The following SARDH variants were observed in gnomAD, a reference collection of about 807,000 sequenced individuals.
SARDH encodes the protein sarcosine dehydrogenase, mitochondrial.
In SARDH, 95 loss-of-function variants were observed where a neutral mutation model predicts 109.1. The ratio of observed to expected loss-of-function variants is 0.87; its 90% CI spans 0.74 to 1.03. The LOEUF (loss-of-function observed/expected upper bound fraction) is 1.03. Ranked by LOEUF, SARDH falls within the 50% of genes least tolerant of loss-of-function variation. SARDH has a pLI of 0.00. For missense variants in SARDH, 1,267 were observed against 1,287.8 expected, an observed-to-expected ratio of 0.98 and a Z score of 0.25; for synonymous variants, 572 against 534.8, an observed-to-expected ratio of 1.07 and a Z score of -0.96.
intron 13 of SARDH, 48 bp from the exon 14 acceptor site, chr9:133,696,409 T>G: frequency 6.2e-7 from 1 of 1,612,574 alleles, no homozygotes; most frequent in Non-Finnish European, 8.5e-7. Flanking sequence ...CTTTGGGGTG[T>G]GCTTCTTCCT....
chr9:133,694,376 G>A lies in SARDH; in HGVS notation c.1808-5C>T, dbSNP rs922032004. ...TGCACGTGTACACGGTGGAGCCTGC[G>A]AGAGGGAGAAGGAAGCCGGGTCTGT... On this transcript the variant is annotated splice_polypyrimidine_tract_variant and splice_region_variant and intron_variant, in intron 14 of 20. Transcript: ENST00000439388. The A allele has an allele frequency of 2.8e-5, 43 of 1,549,436 alleles. No homozygotes were observed. Among genetic ancestry groups the A allele is most frequent in the Non-Finnish European group, 2.9e-5 (33 of 1,145,850 alleles).
At chr9:133,696,483 C>G in intron 13 of SARDH, 122 bp from the exon 14 acceptor site, 2 of 1,207,558 alleles carry the variant, frequency 1.7e-6, no homozygotes, top group Admixed American at 3.9e-5. Flanking sequence ...TCCCTCTCTT[C>G]CAGCCCGCAC....
rs1831049529 is a variant in SARDH, at chr9:133,690,441, G to A, written c.2008C>T (p.Gln670Ter). The A allele has an allele frequency of 8.7e-6, 14 of 1,613,082 alleles. No individual in the cohort carries two copies. The highest frequency in any genetic ancestry group is 1.2e-5 in the Non-Finnish European group (14 of 1,179,934). Residue 670 changes from glutamine to a stop codon, truncating the protein, a stop_gained, in exon 16 of 21, where the codon CAG becomes TAG. Coordinates refer to ENST00000439388, the MANE Select transcript of SARDH (RefSeq NM_001134707.2). LOFTEE classifies it high-confidence loss of function. ...ITTVLQDQKS[Q>*]CQLIDSSEDL... ...TCGGAGCTGTCGATGAGCTGGCACTGGGACTTCTGGTCCTGCAGCACGGTG... is the reference window on the plus strand; with the variant it reads ...TCGGAGCTGTCGATGAGCTGGCACTAGGACTTCTGGTCCTGCAGCACGGTG...
chr9:133,671,581 G>A lies in SARDH; in HGVS notation c.2280C>T (p.Leu760=), dbSNP rs1830350959. The change falls in exon 18 of 21, where the codon CTC becomes CTT. Residue 760 remains leucine (L), a synonymous_variant. Transcript: ENST00000439388. ...CGATGGCGCGGTACCCTGCGTTGATGAGGCCGTGCTTGGCACCCGCGGCCA... is the reference window on the plus strand; with the variant it reads ...CGATGGCGCGGTACCCTGCGTTGATAAGGCCGTGCTTGGCACCCGCGGCCA... ...AVMAAGAKHG[L]INAGYRAIDS... The A allele has an allele frequency of 1.2e-6, 2 of 1,608,198 alleles. No homozygotes were observed. Among genetic ancestry groups the A allele is most frequent in the Non-Finnish European group, 1.7e-6 (2 of 1,178,064 alleles).
In SARDH at chr9:133,730,090, TG is replaced by T; in HGVS notation, c.787del (p.Gln263ArgfsTer131). The T allele has an allele frequency of 6.2e-7, 1 of 1,614,226 alleles. No individual in the cohort carries two copies. Among genetic ancestry groups the T allele is most frequent in the South Asian group, 1.1e-5 (1 of 91,090 alleles). ...TGCACAGTTGACCACGCAGGGTGTC[TG>T]GATGGAACCATGCTGAGTCTCCACA... ...AGVETQHGSI[Q>X]TPCVVNCAGV... On this transcript the variant is annotated frameshift_variant, in exon 5 of 21. Coordinates refer to ENST00000439388, the MANE Select transcript of SARDH (RefSeq NM_001134707.2). LOFTEE classifies it high-confidence loss of function.
intron 11 of SARDH, among the ~76,000 whole-genome samples, chr9:133,707,985 TGTTGGCGCTGCTGCCAGCA>T (rs1363591906): frequency 4.6e-5 from 7 of 151,946 alleles, no homozygotes; most frequent in Non-Finnish European, 8.8e-5. Flanking sequence ...ACCCCTGCCC[TGTTGGCGCTGCTGCCAGCA>T]GTTGGCAGGG....
chr9:133,670,284 G>A (rs1267882001), intron 19 of SARDH, among the ~76,000 whole-genome samples: 19 of 148,614 alleles, frequency 1.3e-4, no homozygotes, highest in African/African-American at 4.0e-4. Flanking sequence ...AGCCGAGATT[G>A]CGCCACTGCA....
chr9:133,708,016 G>A (rs1317856571), intron 11 of SARDH, among the ~76,000 whole-genome samples: 1 of 152,150 alleles, frequency 6.6e-6, no homozygotes, highest in Non-Finnish European at 1.5e-5. Context: ...TTGGCAGGGG[G>A]CGGTTCCTGG....
At chr9:133,734,400 T>TTCACTCATTCAC (rs1269746155) in intron 1 of SARDH, among the ~76,000 whole-genome samples, 197 bp from the exon 2 acceptor site, 6 of 131,864 alleles carry the variant, frequency 4.6e-5, no homozygotes, top group Admixed American at 2.2e-4. Flanking sequence ...CATTCACTCA[T>TTCACTCATTCAC]TCATTCACTC....
intron 20 of SARDH, among the ~76,000 whole-genome samples, chr9:133,664,680 G>A (rs150338515): frequency 5.8e-4 from 88 of 152,342 alleles, no homozygotes; most frequent in African/African-American, 2.0e-3. Flanking sequence ...ACAGGAGGGA[G>A]TCTCGGGCTC....
At chr9:133,685,139 C>A (rs982444621) in intron 17 of SARDH, 54 bp downstream of exon 17, 13 of 1,519,966 alleles carry the variant, frequency 8.6e-6, no homozygotes, top group Non-Finnish European at 1.1e-5. Flanking sequence ...CCGGCGCACC[C>A]CTCACACCAT....
rs1564225742 is a variant in SARDH, at chr9:133,667,194, G to GGTTTTTTT, written c.2496-325_2496-324insAAAAAAAC. The GGTTTTTTT allele has an allele frequency of 6.8e-6, 2 of 294,108 alleles. 1 individual carries two copies. The allele number at this position is 294,108 out of a possible 1,614,324, so 18.2% of individuals were successfully genotyped here. On this transcript the variant is annotated intron_variant, in intron 19 of 20. Coordinates refer to ENST00000439388, the MANE Select transcript of SARDH (RefSeq NM_001134707.2). ...TTCCTTCCATTGTTGTTCAACTCTG[G>GGTTTTTTT]TTTTTTTTTTTTTTTTTTTTTTGGT...
rs865902026 is a variant in SARDH at position 133,730,162 on chromosome 9, C to A, written c.716G>T (p.Gly239Val). Residue 239 changes from glycine (G) to valine (V), a missense_variant, in exon 5 of 21, where the codon GGC (glycine) becomes GTC (valine). Physicochemically the swap from Gly to Val is moderately radical, Grantham distance 109. Transcript: ENST00000439388. ...AQVIENCPVT[G>V]IRVWTDDFGV... ...AAAATCATCCGTCCACACACGAATG[C>A]CGGTCACTGGGCAGTTCTCAATGAC... 1 of 1,614,096 alleles carries A rather than the reference C, an allele frequency of 6.2e-7. No individual in the cohort carries two copies.
In SARDH at chr9:133,732,407, G is replaced by A. The variant is rs1426414534; in HGVS notation, c.510+16C>T. The A allele has an allele frequency of 1.3e-5, 4 of 299,062 alleles. No individual in the cohort carries two copies. The highest frequency in any genetic ancestry group is 1.2e-4 in the East Asian group (1 of 8,198). The allele number at this position is 299,062 out of a possible 1,614,324, so 18.5% of individuals were successfully genotyped here. A position where few individuals can be genotyped will look rare whatever the true frequency, so the allele number is the denominator to read the frequency against. ...ACCCAAGCCCCCCTCCTTGCCCCCCGCAGGGGAGCACACACCGACATGAGC... is the reference window on the plus strand; with the variant it reads ...ACCCAAGCCCCCCTCCTTGCCCCCCACAGGGGAGCACACACCGACATGAGC... On this transcript the variant is annotated intron_variant, in intron 3 of 20. Coordinates refer to ENST00000439388, the MANE Select transcript of SARDH (RefSeq NM_001134707.2).
At chr9:133,681,478 T>C (rs561703912) in intron 17 of SARDH, among the ~76,000 whole-genome samples, 2 of 152,322 alleles carry the variant, frequency 1.3e-5, no homozygotes, top group African/African-American at 4.8e-5. Flanking sequence ...CTCTTTCCAG[T>C]ACAGGCTGGG....
At chr9:133,738,730 C>T (rs62572820), upstream of SARDH, among the ~76,000 whole-genome samples, 21,920 of 152,238 alleles carry the variant, frequency 0.14, 1,687 homozygotes, top group Non-Finnish European at 0.16. Flanking sequence ...GCCAGGGGCC[C>T]GTCCACTGCA....
At chr9:133,695,652 T>C (rs1354424004) in intron 14 of SARDH, among the ~76,000 whole-genome samples, 1 of 149,058 alleles carries the variant, frequency 6.7e-6, no homozygotes, top group Non-Finnish European at 1.5e-5. Flanking sequence ...TAAATTGGTG[T>C]TGTTTTAAGC....
Position 133,734,111 on chromosome 9 carries a change from C to T in SARDH, c.63G>A (p.Arg21=). ...TGGACAGGTTGCATGGCCCCATGCC[C>T]CGGGTAGGGCTCTGGCGAGGGTGGG... ...AAAHPRQSPT[R]GMGPCNLSSA... The change falls in exon 2 of 21, where the codon CGG becomes CGA. Residue 21 remains arginine, a synonymous_variant. Coordinates refer to ENST00000439388, the MANE Select transcript of SARDH (RefSeq NM_001134707.2). The T allele has an allele frequency of 1.2e-6, 2 of 1,611,918 alleles. No homozygotes were observed. Among genetic ancestry groups the T allele is most frequent in the Non-Finnish European group, 1.7e-6 (2 of 1,179,488 alleles).
At chr9:133,677,282 A>AG (rs35160465) in intron 17 of SARDH, among the ~76,000 whole-genome samples, 10,519 of 152,254 alleles carry the variant, frequency 0.069, 433 homozygotes, top group South Asian at 0.17. Flanking sequence ...CACATCCTCC[A>AG]GGGGTGAGAG....
Sources: gnomAD v4.1 joint callset for allele counts (sites outside exome capture counted in the v4.1 genomes callset) on GRCh38, gnomAD v4.1.1 for gene constraint, MANE v1.5 for transcripts, NCBI Gene and HGNC (gene_info 2026-07-23, HGNC 2026-07-21) for gene names.